Variants in PIGL observed in about 807,000 individuals in gnomAD.
PIGL encodes the protein N-acetylglucosaminyl-phosphatidylinositol de-N-acetylase.
In PIGL, 22 loss-of-function variants were observed where a neutral mutation model predicts 31.1. That is an observed-to-expected ratio of 0.71 (90% confidence interval 0.51 to 1.01). The LOEUF (loss-of-function observed/expected upper bound fraction) is 1.01. PIGL is among the 50% of genes least tolerant of loss of function. PIGL has a pLI of 0.00. For missense variants in PIGL, 302 were observed against 315.9 expected (o/e 0.96, Z 0.33); for synonymous variants, 131 against 117.4 (o/e 1.12, Z -0.75).
intron 2 of PIGL, among the ~76,000 whole-genome samples, chr17:16,269,493 C>A (rs1183289638): frequency 6.6e-6 from 1 of 151,530 alleles, no homozygotes; most frequent in South Asian, 2.1e-4. Flanking sequence ...ACTAAAAATA[C>A]AAAAAAAATT....
In PIGL at chr17:16,232,741, A is replaced by C. The variant is rs758552723; in HGVS notation, c.236-1230A>C. ...ATGTGTAGAGATTTGAGGGAAACCCAAAATATACACAAAATAGTTTATGAC... is the reference window on the plus strand; with the variant it reads ...ATGTGTAGAGATTTGAGGGAAACCCCAAATATACACAAAATAGTTTATGAC... On this transcript the variant is annotated intron_variant, in intron 1 of 6. Transcript: ENST00000225609. Among the ~76,000 whole-genome samples the C allele has an allele frequency of 2.2e-4, 33 of 150,846 alleles. 1 individual carries two copies. Among genetic ancestry groups the C allele is most frequent in the Non-Finnish European group, 4.6e-4 (31 of 67,778 alleles).
At chr17:16,261,769 T>C (rs1357240984) in intron 2 of PIGL, among the ~76,000 whole-genome samples, 12 of 151,892 alleles carry the variant, frequency 7.9e-5, no homozygotes, top group Admixed American at 7.2e-4. Flanking sequence ...GCCTGGCTAA[T>C]TTTTTTGTAT....
chr17:16,256,165 A>G (rs2092792840), intron 2 of PIGL, among the ~76,000 whole-genome samples: 1 of 152,234 alleles, frequency 6.6e-6, no homozygotes, highest in African/African-American at 2.4e-5. Context: ...TGTGATATTC[A>G]TTGCAGCACT....
At chr17:16,314,814 G>A (rs1349620436) in intron 4 of PIGL, among the ~76,000 whole-genome samples, 1 of 152,144 alleles carries the variant, frequency 6.6e-6, no homozygotes, top group Admixed American at 6.6e-5. Flanking sequence ...AAATGAGGCA[G>A]CCCCAGAGTG....
In PIGL at chr17:16,316,083, C is replaced by T. The variant is rs570307386; in HGVS notation, c.495-598C>T. On this transcript the variant is annotated intron_variant, in intron 4 of 6. Coordinates refer to ENST00000225609, the MANE Select transcript of PIGL (RefSeq NM_004278.4). ...TTGTCTCTCAACTTCTCTTGTTTAA[C>T]CCCTGCTCCCAAGAGTCTCTGTTCA... Among the ~76,000 whole-genome samples, 28 of 152,260 alleles carry T rather than the reference C, an allele frequency of 1.8e-4. No homozygotes were observed. The South Asian group carries it at 5.8e-3, about 32-fold the overall frequency.
At chr17:16,268,914 C>T (rs1398387792) in intron 2 of PIGL, among the ~76,000 whole-genome samples, 44 of 152,210 alleles carry the variant, frequency 2.9e-4, no homozygotes. Flanking sequence ...AGGCGCGTGC[C>T]ACCACGCCTG....
At chr17:16,308,979 C>T (rs2093037545) in intron 3 of PIGL, among the ~76,000 whole-genome samples, 1 of 152,108 alleles carries the variant, frequency 6.6e-6, no homozygotes, top group Non-Finnish European at 1.5e-5. Context: ...TCTGTAAAGA[C>T]AAGGTCTCGC....
chr17:16,303,961 G>A (rs1261485555), intron 3 of PIGL, among the ~76,000 whole-genome samples: 1 of 152,016 alleles, frequency 6.6e-6, no homozygotes, highest in Non-Finnish European at 1.5e-5. Flanking sequence ...TGATCCGCCC[G>A]CCTCGGCCTC....
At chr17:16,242,057 T>G (rs2092725313) in intron 2 of PIGL, among the ~76,000 whole-genome samples, 1 of 151,092 alleles carries the variant, frequency 6.6e-6, no homozygotes, top group South Asian at 2.1e-4. Context: ...TTCTTTGGGG[T>G]TTTTTTTTGT....
At chr17:16,293,549 A>G (rs917702795) in intron 2 of PIGL, among the ~76,000 whole-genome samples, 6 of 152,200 alleles carry the variant, frequency 3.9e-5, no homozygotes. Flanking sequence ...AAAAATTGCA[A>G]TCTTTCAAAC....
intron 6 of PIGL, among the ~76,000 whole-genome samples, chr17:16,325,144 G>A (rs1187946653): frequency 6.6e-6 from 1 of 151,970 alleles, no homozygotes; most frequent in Non-Finnish European, 1.5e-5. Flanking sequence ...AGGAGATCGA[G>A]ACTATCCTGG....
At chr17:16,265,875 T>G (rs1381785319) in intron 2 of PIGL, among the ~76,000 whole-genome samples, 1 of 152,000 alleles carries the variant, frequency 6.6e-6, no homozygotes, top group South Asian at 2.1e-4. Context: ...CCCTGTACTT[T>G]AAGAAGAGTA....
At chr17:16,251,908 G>C (rs759288831) in intron 2 of PIGL, among the ~76,000 whole-genome samples, 10 of 151,936 alleles carry the variant, frequency 6.6e-5, no homozygotes, top group Non-Finnish European at 1.3e-4. Flanking sequence ...CAGAATACTT[G>C]GGAACGGTAT....
intron 2 of PIGL, among the ~76,000 whole-genome samples, chr17:16,276,881 T>A (rs2092898305): frequency 6.6e-6 from 1 of 152,260 alleles, no homozygotes; most frequent in South Asian, 2.1e-4. Flanking sequence ...TTGGCCTCAT[T>A]ATTTGTATAA....
At chr17:16,270,133 C>CA (rs2092864478) in intron 2 of PIGL, among the ~76,000 whole-genome samples, 1 of 151,728 alleles carries the variant, frequency 6.6e-6, no homozygotes, top group South Asian at 2.1e-4. Flanking sequence ...ACTAAAAATA[C>CA]AAAAAATTAG....
intron 3 of PIGL, among the ~76,000 whole-genome samples, chr17:16,303,325 A>G (rs752942008): frequency 2.6e-5 from 4 of 152,276 alleles, no homozygotes; most frequent in African/African-American, 4.8e-5. Flanking sequence ...GTATCTTTAT[A>G]TCTCCAAGAA....
At chr17:16,239,160 C>G (rs1204661096) in intron 2 of PIGL, among the ~76,000 whole-genome samples, 1 of 151,794 alleles carries the variant, frequency 6.6e-6, no homozygotes, top group Non-Finnish European at 1.5e-5. Flanking sequence ...CATGGCAGAA[C>G]CCTGTCTCTA....
At chr17:16,299,800 C>G (rs1339856297) in intron 2 of PIGL, 88 bp from the exon 3 acceptor site, 10 of 900,696 alleles carry the variant, frequency 1.1e-5, no homozygotes, top group Non-Finnish European at 1.7e-5. Flanking sequence ...ATGTAACTAT[C>G]ATAAAACTGG....
chr17:16,318,471 A>T (rs1442616925), intron 6 of PIGL, among the ~76,000 whole-genome samples: 1 of 151,694 alleles, frequency 6.6e-6, no homozygotes, highest in Admixed American at 6.6e-5. Flanking sequence ...GGGTTTCATC[A>T]TGTTGGCCAG....
Sources: allele counts gnomAD v4.1 joint callset (sites outside exome capture counted in the v4.1 genomes callset), GRCh38; gene constraint gnomAD v4.1.1; transcripts MANE v1.5; gene names NCBI Gene and HGNC (gene_info 2026-07-23, HGNC 2026-07-21).